Variants in DDX60L observed in about 807,000 individuals in gnomAD.
DDX60L encodes the protein DExD/H-box 60 like.
A neutral mutation model predicts 211.6 loss-of-function variants in DDX60L; 191 were observed. The ratio of observed to expected loss-of-function variants is 0.90; its 90% CI spans 0.80 to 1.02. The LOEUF (loss-of-function observed/expected upper bound fraction) is 1.02. Among genes scored for constraint, DDX60L ranks in the 50% least tolerant of loss-of-function variants. DDX60L has a pLI of 0.00. For synonymous variants in DDX60L, 706 were observed against 694.1 expected (o/e 1.02, Z -0.27); for missense variants, 2,007 against 1,984.1 (o/e 1.01, Z -0.22).
intron 9 of DDX60L, among the ~76,000 whole-genome samples, chr4:168,443,137 T>C (rs1754206583): frequency 6.6e-6 from 1 of 151,472 alleles, no homozygotes; most frequent in South Asian, 2.1e-4. Flanking sequence ...GAAAAAAATT[T>C]AGACGAATGT....
chr4:168,370,835 A>AC (rs201144302), intron 36 of DDX60L, among the ~76,000 whole-genome samples: 1,532 of 152,278 alleles, frequency 0.01, 27 homozygotes, highest in African/African-American at 0.034. Context: ...GTTTAAAAGC[A>AC]TGACTTTCCC....
intron 28 of DDX60L, among the ~76,000 whole-genome samples, chr4:168,392,122 T>G (rs544180015): frequency 6.6e-6 from 1 of 152,162 alleles, no homozygotes; most frequent in South Asian, 2.1e-4. Flanking sequence ...AGCATACAAA[T>G]TTTCCTTAAG....
chr4:168,467,078 A>G (rs1758084475), intron 4 of DDX60L, among the ~76,000 whole-genome samples: 1 of 152,174 alleles, frequency 6.6e-6, no homozygotes, highest in South Asian at 2.1e-4. Flanking sequence ...TGTGTTATTC[A>G]GTGTAAAACT....
chr4:168,462,045 G>A lies in DDX60L; in HGVS notation c.265-5C>T, dbSNP rs1757386146. On this transcript the variant is annotated splice_polypyrimidine_tract_variant and splice_region_variant and intron_variant, in intron 4 of 37. Coordinates refer to ENST00000682922, the MANE Select transcript of DDX60L (RefSeq NM_001012967.3). ...AAAATATGCATATTCAGCATCCTGT[G>A]GTGAGAAAAAGAAACAAGCACATCA... 1 of 1,568,262 alleles carries A rather than the reference G, an allele frequency of 6.4e-7. No individual in the cohort carries two copies. The highest frequency in any genetic ancestry group is 1.9e-5 in the Admixed American group (1 of 52,556).
chr4:168,463,607 T>C (rs1401027833), intron 4 of DDX60L, among the ~76,000 whole-genome samples: 8 of 152,084 alleles, frequency 5.3e-5, no homozygotes, highest in African/African-American at 1.9e-4. Context: ...AAAAAATCTG[T>C]TTTTAAATGA....
chr4:168,366,062 C>T (rs2149607385), intron 36 of DDX60L, among the ~76,000 whole-genome samples: 1 of 152,120 alleles, frequency 6.6e-6, no homozygotes, highest in Non-Finnish European at 1.5e-5. Context: ...CCATAGCTAA[C>T]ATCATACGAT....
intron 30 of DDX60L, among the ~76,000 whole-genome samples, 164 bp downstream of exon 30, chr4:168,384,448 C>T (rs1481849814): frequency 6.6e-6 from 1 of 152,192 alleles, no homozygotes; most frequent in Non-Finnish European, 1.5e-5. Context: ...GATTGTACCA[C>T]TGCACTCCAG....
chr4:168,384,261 T>C (rs1240710151), intron 30 of DDX60L, among the ~76,000 whole-genome samples: 1 of 152,132 alleles, frequency 6.6e-6, no homozygotes, highest in Non-Finnish European at 1.5e-5. Flanking sequence ...AGTGGGTGGA[T>C]TGCTTGAGCC....
chr4:168,384,492 C>T, intron 30 of DDX60L, 120 bp downstream of exon 30: 1 of 1,297,134 alleles, frequency 7.7e-7, no homozygotes, highest in South Asian at 1.4e-5. Flanking sequence ...GTCTCCAAAA[C>T]AATCAAACAA....
intron 9 of DDX60L, among the ~76,000 whole-genome samples, chr4:168,443,830 G>C (rs975070522): frequency 6.6e-6 from 1 of 151,116 alleles, no homozygotes; most frequent in African/African-American, 2.4e-5. Flanking sequence ...CAAATGCTGA[G>C]AGATTTTGTC....
chr4:168,440,166 A>T (rs1753620825), intron 10 of DDX60L, among the ~76,000 whole-genome samples: 1 of 152,174 alleles, frequency 6.6e-6, no homozygotes, highest in African/African-American at 2.4e-5. Flanking sequence ...TCAAGATTAC[A>T]GTGAGCTATG....
chr4:168,477,030 T>C (rs1759602142), intron 1 of DDX60L, among the ~76,000 whole-genome samples: 1 of 152,212 alleles, frequency 6.6e-6, no homozygotes, highest in African/African-American at 2.4e-5. Flanking sequence ...GGACAATATA[T>C]ATAAATTTCT....
At chr4:168,459,113 A>G (rs1016254278) in intron 5 of DDX60L, among the ~76,000 whole-genome samples, 2 of 152,142 alleles carry the variant, frequency 1.3e-5, no homozygotes, top group African/African-American at 2.4e-5. Flanking sequence ...AGGGGGTGAG[A>G]AAAATAACTT....
intron 8 of DDX60L, among the ~76,000 whole-genome samples, chr4:168,449,071 T>C (rs1002012184): frequency 1.3e-5 from 2 of 152,170 alleles, no homozygotes; most frequent in African/African-American, 4.8e-5. Flanking sequence ...AACACCTTTG[T>C]CATGCAGGTC....
chr4:168,368,223 T>C (rs1045977928), intron 36 of DDX60L, among the ~76,000 whole-genome samples: 4 of 152,134 alleles, frequency 2.6e-5, no homozygotes, highest in African/African-American at 9.7e-5. Flanking sequence ...AGGCCCAGGG[T>C]CCCTGTGCTG....
Position 168,406,613 on chromosome 4 carries a change from G to A in DDX60L, c.3073C>T (p.Pro1025Ser), listed in dbSNP as rs758617773. The change falls in exon 23 of 38, where the codon CCC becomes TCC. Residue 1025 changes from proline (P) to serine (S), a missense_variant. Physicochemically the swap from Pro to Ser is moderately conservative, Grantham distance 74. Transcript: ENST00000682922. The part of the protein sequence containing the change: ...DTMAQVWETW[P>S]RAQELCPEEF... Reference sequence around the variant, plus strand: ...ATTTCTATATTTACCTGAGCCCTGGGCCAAGTTTCCCAGACTTGAGCCATG... The same window carrying A: ...ATTTCTATATTTACCTGAGCCCTGGACCAAGTTTCCCAGACTTGAGCCATG... 1 of 1,594,706 alleles carries A rather than the reference G, an allele frequency of 6.3e-7. No individual in the cohort carries two copies. The highest frequency in any genetic ancestry group is 1.7e-5 in the Admixed American group (1 of 58,068).
chr4:168,383,432 T>G (rs1743304402), intron 30 of DDX60L, among the ~76,000 whole-genome samples: 1 of 152,192 alleles, frequency 6.6e-6, no homozygotes, highest in Non-Finnish European at 1.5e-5. Flanking sequence ...ACAAGTAGAT[T>G]TTTAAAGGCA....
chr4:168,385,232 A>G (rs1479336257), intron 29 of DDX60L, among the ~76,000 whole-genome samples: 3 of 152,162 alleles, frequency 2.0e-5, no homozygotes, highest in African/African-American at 7.2e-5. Flanking sequence ...GTTTATCACC[A>G]GTGGCTAATG....
chr4:168,394,265 A>G (rs752771352), intron 28 of DDX60L, among the ~76,000 whole-genome samples, 200 bp downstream of exon 28: 24 of 152,160 alleles, frequency 1.6e-4, no homozygotes, highest in Non-Finnish European at 3.1e-4. Context: ...ACTCCATTAT[A>G]AATATTATTT....
Sources: allele counts gnomAD v4.1 joint callset (sites outside exome capture counted in the v4.1 genomes callset), GRCh38; gene constraint gnomAD v4.1.1; transcripts MANE v1.5; gene names NCBI Gene and HGNC (gene_info 2026-07-23, HGNC 2026-07-21).